SP100: variants seen among roughly 807,000 people sequenced by gnomAD.
SP100 encodes the protein SP100 nuclear body protein, also known as nuclear autoantigen Sp-100.
A neutral mutation model predicts 130.0 loss-of-function variants in SP100; 84 were observed. That is an observed-to-expected ratio of 0.65 (90% confidence interval 0.54 to 0.77). The LOEUF is 0.77. Among genes scored for constraint, SP100 ranks in the 30% least tolerant of loss-of-function variants. The pLI, the probability that SP100 is intolerant of heterozygous loss-of-function variation, is 0.00. For missense variants in SP100, 978 were observed against 1,052.2 expected (o/e 0.93, Z 0.97); for synonymous variants, 331 against 351.7 (o/e 0.94, Z 0.66).
rs777172457 is a variant in SP100 at position 230,504,138 on chromosome 2, C to T, written c.1766-48C>T. The T allele has an allele frequency of 3.0e-6, 3 of 1,009,210 alleles. No individual in the cohort carries two copies. The African/African-American group carries it at 4.8e-5, about 16-fold the overall frequency. The allele number at this position is 1,009,210 out of a possible 1,614,324, so 62.5% of individuals were successfully genotyped here. ...TCAAGACAGGTGGGGAGGGACAATG[C>T]ACAGTTGTAAAAGTAGATGGAATGG... is the stretch of plus-strand genomic sequence containing the variant. On this transcript the variant is annotated intron_variant, in intron 20 of 28. Coordinates refer to ENST00000340126, the MANE Select transcript of SP100 (RefSeq NM_001080391.2).
intron 17 of SP100, among the ~76,000 whole-genome samples, chr2:230,488,423 T>C (rs765369758): frequency 7.9e-5 from 12 of 152,208 alleles, no homozygotes; most frequent in Non-Finnish European, 1.5e-4. Context: ...TTTGTTGTTG[T>C]TGTTTTTTGA....
intron 2 of SP100, among the ~76,000 whole-genome samples, chr2:230,421,442 A>C (rs879737827): frequency 2.6e-4 from 39 of 151,464 alleles, no homozygotes; most frequent in Admixed American, 2.2e-3. Context: ...TTGCTTTACT[A>C]TCTCATTTTG....
At chr2:230,477,948 C>CAAAAAAAAAAAAAA (rs5839369) in intron 17 of SP100, among the ~76,000 whole-genome samples, 1 of 133,950 alleles carries the variant, frequency 7.5e-6, no homozygotes, top group African/African-American at 2.8e-5. Context: ...ACAAAACAAA[C>CAAAAAAAAAAAAAA]AAAAAAAAAA....
At chr2:230,479,568 C>G (rs1189347628) in intron 17 of SP100, among the ~76,000 whole-genome samples, 3 of 152,192 alleles carry the variant, frequency 2.0e-5, no homozygotes, top group Non-Finnish European at 4.4e-5. Context: ...AAGACTCAGT[C>G]TTCCTTCAGG....
chr2:230,487,585 G>C (rs138350899), intron 17 of SP100, among the ~76,000 whole-genome samples: 2,585 of 152,320 alleles, frequency 0.017, 26 homozygotes, highest in Middle Eastern at 0.044. Flanking sequence ...TAGCCTTGTA[G>C]TATAATTTGA....
intron 17 of SP100, among the ~76,000 whole-genome samples, chr2:230,481,521 C>T (rs951976706): frequency 6.6e-5 from 10 of 152,198 alleles, no homozygotes; most frequent in Admixed American, 5.9e-4. Context: ...TGCCACTGCC[C>T]CGGCCCAAGC....
chr2:230,532,974 T>A (rs923799837), intron 24 of SP100, among the ~76,000 whole-genome samples: 10 of 152,094 alleles, frequency 6.6e-5, no homozygotes, highest in African/African-American at 2.2e-4. Context: ...AGAGACGAGG[T>A]TTCATCATGT....
chr2:230,450,318 G>C (rs2063912387), intron 8 of SP100, 63 bp downstream of exon 8: 2 of 1,167,358 alleles, frequency 1.7e-6, no homozygotes, highest in African/African-American at 3.1e-5. Context: ...ACATTTGGTT[G>C]GTTGGTTGGT....
At chr2:230,507,853 A>T (rs539344761) in intron 22 of SP100, 140 bp from the exon 23 acceptor site, 1 of 722,642 alleles carries the variant, frequency 1.4e-6, no homozygotes, top group South Asian at 2.0e-5. Context: ...AATCATGAAA[A>T]GTAATTTCCA....
intron 7 of SP100, 52 bp downstream of exon 7, chr2:230,449,762 G>A (rs2149923828): frequency 6.3e-7 from 1 of 1,591,728 alleles, no homozygotes; most frequent in East Asian, 2.2e-5. Context: ...GGCCCTGGCT[G>A]GTGGCAGAGG....
At chr2:230,437,875 C>G (rs1023052344) in intron 2 of SP100, among the ~76,000 whole-genome samples, 1 of 152,112 alleles carries the variant, frequency 6.6e-6, no homozygotes, top group African/African-American at 2.4e-5. Context: ...GTTTTTAAGT[C>G]ACAAGATTAA....
intron 1 of SP100, 79 bp from the exon 2 acceptor site, chr2:230,417,512 T>G (rs2062637369): frequency 1.3e-6 from 2 of 1,517,376 alleles, no homozygotes; most frequent in South Asian, 2.6e-5. Flanking sequence ...ATATTTATCT[T>G]GTCTCTAAAC....
At chr2:230,537,132 A>G (rs1235274959) in intron 24 of SP100, among the ~76,000 whole-genome samples, 1 of 152,024 alleles carries the variant, frequency 6.6e-6, no homozygotes, top group Non-Finnish European at 1.5e-5. Context: ...GGTGGGACAC[A>G]CCTGTAGTCC....
chr2:230,434,396 T>C (rs2063185845), intron 2 of SP100, among the ~76,000 whole-genome samples: 3 of 152,192 alleles, frequency 2.0e-5, no homozygotes, highest in African/African-American at 7.2e-5. Flanking sequence ...AAATTTTGCA[T>C]TTATGAGCAT....
In SP100 at chr2:230,498,468, G is replaced by C; in HGVS notation, c.1653G>C (p.Lys551Asn). ...SKVNGLQRGR[K>N]KDRPRKHLTL... ...ATTTTCCTATTTTCTCAGGGAGAAA[G>C]AAAGACAGACCTAGAAAACATTTAA... The change falls in exon 19 of 29, where the codon AAG becomes AAC. Residue 551 changes from lysine (K) to asparagine (N), a missense_variant. Coordinates refer to ENST00000340126, the MANE Select transcript of SP100 (RefSeq NM_001080391.2). 1 of 1,502,282 alleles carries C rather than the reference G, an allele frequency of 6.7e-7. No individual in the cohort carries two copies. Among genetic ancestry groups the C allele is most frequent in the Non-Finnish European group, 8.8e-7 (1 of 1,132,396 alleles). The allele number at this position is 1,502,282 out of a possible 1,614,324, so 93.1% of individuals were successfully genotyped here. A position where few individuals can be genotyped will look rare whatever the true frequency, so the allele number is the denominator to read the frequency against.
At chr2:230,531,322 G>T (rs1241062763) in intron 24 of SP100, among the ~76,000 whole-genome samples, 1 of 149,560 alleles carries the variant, frequency 6.7e-6, no homozygotes, top group Non-Finnish European at 1.5e-5. Context: ...CACAAGGACA[G>T]AAAACCAAAC....
intron 24 of SP100, among the ~76,000 whole-genome samples, chr2:230,513,519 A>T (rs750439187): frequency 6.4e-4 from 18 of 28,060 alleles, no homozygotes; most frequent in Non-Finnish European, 3.4e-3. Context: ...CTTTTTGATT[A>T]AAAAAAAAAA....
In SP100 at chr2:230,524,073, C is replaced by T. The variant is rs189966032; in HGVS notation, c.2094+12907C>T. Among the ~76,000 whole-genome samples the T allele has an allele frequency of 2.6e-3, 394 of 150,946 alleles. 1 individual carries two copies. The highest frequency in any genetic ancestry group is 9.0e-3 in the African/African-American group (371 of 41,074). ...AACCAGCTGGGTGTGGTTGCTCACG[C>T]CTGTAATCCCAGCACTTTGAGAGGC... is the stretch of plus-strand genomic sequence containing the variant. On this transcript the variant is annotated intron_variant, in intron 24 of 28. Coordinates refer to ENST00000340126, the MANE Select transcript of SP100 (RefSeq NM_001080391.2).
At chr2:230,488,305 T>A (rs986841960) in intron 17 of SP100, among the ~76,000 whole-genome samples, 1 of 152,226 alleles carries the variant, frequency 6.6e-6, no homozygotes, top group African/African-American at 2.4e-5. Flanking sequence ...CCATTCAGTA[T>A]GATATTGGCT....
Sources: allele counts gnomAD v4.1 joint callset (sites outside exome capture counted in the v4.1 genomes callset), GRCh38; gene constraint gnomAD v4.1.1; transcripts MANE v1.5; gene names NCBI Gene and HGNC (gene_info 2026-07-23, HGNC 2026-07-21).